The following STX17 variants were observed in gnomAD, a reference collection of about 807,000 sequenced individuals.
The protein encoded by STX17 is syntaxin 17.
Under a neutral mutation model 35.9 loss-of-function variants are expected in STX17, and 29 were observed. That is an observed-to-expected ratio of 0.81 (90% CI 0.60 to 1.10). The LOEUF is 1.10. Among genes scored for constraint, STX17 ranks in the 50% least tolerant of loss-of-function variants. STX17 has a pLI of 0.00. For synonymous variants in STX17, 92 were observed against 118.3 expected (o/e 0.78, Z 1.44); for missense variants, 312 against 352.3 (o/e 0.89, Z 0.92).
chr9:99,959,751 G>A (rs1285601944), intron 4 of STX17, among the ~76,000 whole-genome samples, 166 bp from the exon 5 acceptor site: 2 of 152,150 alleles, frequency 1.3e-5, no homozygotes, highest in African/African-American at 2.4e-5. Context: ...GTGAGCCACT[G>A]CACCCAGCCA....
At position 99,972,074 on chromosome 9, in the gene STX17, A is replaced by T. The variant is rs1830026752; in HGVS notation, c.*3401A>T. Reference sequence around the variant, plus strand: ...ACATTCCATTCATTTGCATCTTTTTAAAAAACTTCTGATTCCTTACTGAGT... The same window carrying T: ...ACATTCCATTCATTTGCATCTTTTTTAAAAACTTCTGATTCCTTACTGAGT... On this transcript the variant is annotated 3_prime_UTR_variant, in exon 8 of 8. Coordinates refer to ENST00000259400, the MANE Select transcript of STX17 (RefSeq NM_017919.3). Among the ~76,000 whole-genome samples, 1 of 152,168 alleles carries T rather than the reference A, an allele frequency of 6.6e-6. No homozygotes were observed.
Position 99,950,911 on chromosome 9 carries a change from A to G in STX17, c.190-149A>G, listed in dbSNP as rs561247568. ...AGATGCTGCATTTGGCCAGCCAGAG[A>G]CATGGAAAATGTAAAAGTATTATGC... On this transcript the variant is annotated intron_variant, in intron 3 of 7. Transcript: ENST00000259400. 6.8e-6 allele frequency: 5 copies of G among 739,420 alleles called. No individual in the cohort carries two copies. In the East Asian group the frequency reaches 1.4e-4, roughly 21 times the overall value. 45.8% of individuals were successfully genotyped at this position (739,420 alleles called of 1,614,324 possible).
chr9:99,925,129 A>G (rs1321809538), intron 2 of STX17, among the ~76,000 whole-genome samples: 1 of 151,836 alleles, frequency 6.6e-6, no homozygotes, highest in African/African-American at 2.4e-5. Context: ...CTGGCTTACT[A>G]TAGCTCTTGG....
intron 6 of STX17, among the ~76,000 whole-genome samples, chr9:99,965,721 A>G (rs1338697371): frequency 6.6e-6 from 1 of 152,238 alleles, no homozygotes; most frequent in Non-Finnish European, 1.5e-5. Flanking sequence ...GAATGCTAAA[A>G]GATACCTGAA....
chr9:99,938,761 T>G (rs1881751), intron 3 of STX17, among the ~76,000 whole-genome samples: 101,560 of 143,526 alleles, frequency 0.71, 35,244 homozygotes, highest in African/African-American at 0.74. Context: ...CACTCCAGCC[T>G]GGGTGACAGT....
intron 3 of STX17, among the ~76,000 whole-genome samples, chr9:99,935,612 A>G (rs941149504): frequency 1.3e-5 from 2 of 152,186 alleles, no homozygotes; most frequent in African/African-American, 4.8e-5. Context: ...GCAAGTGGAG[A>G]GAGCAGAGAG....
chr9:99,930,101 T>C (rs951382645), intron 3 of STX17, among the ~76,000 whole-genome samples: 1 of 149,978 alleles, frequency 6.7e-6, no homozygotes, highest in Admixed American at 6.7e-5. Flanking sequence ...TTAGTTGAGA[T>C]AGGGTTTCAC....
intron 2 of STX17, among the ~76,000 whole-genome samples, chr9:99,917,038 CAAG>C (rs1828791134): frequency 6.6e-6 from 1 of 152,140 alleles, no homozygotes; most frequent in Admixed American, 6.5e-5. Flanking sequence ...CCAGAAGTCA[CAAG>C]AAGATTATTC....
At chr9:99,955,780 A>G (rs1262064779) in intron 4 of STX17, among the ~76,000 whole-genome samples, 1 of 152,058 alleles carries the variant, frequency 6.6e-6, no homozygotes, top group Non-Finnish European at 1.5e-5. Context: ...CCTATGTTCT[A>G]CTTGCCCTTT....
chr9:99,928,701 G>T, intron 2 of STX17, 77 bp from the exon 3 acceptor site: 1 of 1,275,892 alleles, frequency 7.8e-7, no homozygotes, highest in South Asian at 1.2e-5. Context: ...GGGTGGGTGA[G>T]TGGGGATTTT....
intron 3 of STX17, among the ~76,000 whole-genome samples, chr9:99,935,761 C>A (rs1829221811): frequency 6.6e-6 from 1 of 152,142 alleles, no homozygotes; most frequent in Non-Finnish European, 1.5e-5. Flanking sequence ...TTGTGGAAGG[C>A]TTCTGATGAC....
intron 4 of STX17, among the ~76,000 whole-genome samples, chr9:99,952,580 C>G (rs950128452): frequency 6.6e-6 from 1 of 151,854 alleles, no homozygotes; most frequent in African/African-American, 2.4e-5. Context: ...CACATGCACA[C>G]GTATGTTTAT....
At chr9:99,962,285 A>G (rs1245029513) in intron 6 of STX17, among the ~76,000 whole-genome samples, 2 of 152,234 alleles carry the variant, frequency 1.3e-5, no homozygotes, top group African/African-American at 2.4e-5. Context: ...TGGATTAGGT[A>G]TCTGTACAAT....
intron 3 of STX17, among the ~76,000 whole-genome samples, chr9:99,936,679 A>G (rs1440618056): frequency 6.6e-6 from 1 of 152,078 alleles, no homozygotes; most frequent in Non-Finnish European, 1.5e-5. Context: ...TCTATTTCAC[A>G]TATGTTTAAG....
chr9:99,942,466 G>A (rs1401727550), intron 3 of STX17, among the ~76,000 whole-genome samples: 1 of 152,026 alleles, frequency 6.6e-6, no homozygotes, highest in Non-Finnish European at 1.5e-5. Flanking sequence ...CTTATAGTTA[G>A]TGATTTTGTG....
Position 99,928,830 on chromosome 9 carries a change from G to T in STX17, c.176G>T (p.Gly59Val). 1 of 1,613,438 alleles carries T rather than the reference G, an allele frequency of 6.2e-7. No individual in the cohort carries two copies. The highest frequency in any genetic ancestry group is 8.5e-7 in the Non-Finnish European group (1 of 1,179,628). ...TTGCATGAAGAGCATATCAATGCAG[G>T]ACGTACAGTTCAGGTAAGGCTATTA... ...DKLHEEHINA[G>V]RTVQQLRSNI... Residue 59 changes from glycine (G) to valine (V), a missense_variant, in exon 3 of 8, where the codon GGA becomes GTA. Physicochemically the swap from Gly to Val is moderately radical, Grantham distance 109 (BLOSUM62 -3). Transcript: ENST00000259400.
At chr9:99,943,022 A>G (rs2118442532) in intron 3 of STX17, among the ~76,000 whole-genome samples, 1 of 152,350 alleles carries the variant, frequency 6.6e-6, no homozygotes. Flanking sequence ...ATTTTCATAT[A>G]CATTTTAGAA....
At chr9:99,960,209 C>T (rs965405699) in intron 6 of STX17, 54 bp downstream of exon 6, 29 of 1,512,686 alleles carry the variant, frequency 1.9e-5, no homozygotes, top group Non-Finnish European at 2.6e-5. Context: ...GAATGAGAAG[C>T]TTTTATAATC....
chr9:99,947,517 A>G (rs534956135), intron 3 of STX17, among the ~76,000 whole-genome samples: 27 of 152,140 alleles, frequency 1.8e-4, no homozygotes, highest in Non-Finnish European at 2.6e-4. Context: ...AACATTATTT[A>G]TAGAAATTAT....
Sources: allele counts gnomAD v4.1 joint callset (sites outside exome capture counted in the v4.1 genomes callset), GRCh38; gene constraint gnomAD v4.1.1; transcripts MANE v1.5; gene names NCBI Gene and HGNC (gene_info 2026-07-23, HGNC 2026-07-21).